KCP: variants seen among roughly 807,000 people sequenced by gnomAD.
KCP encodes the protein kielin cysteine rich BMP regulator.
KCP carries 194 observed loss-of-function variants against 212.7 expected under a neutral mutation model. The observed-to-expected ratio is 0.91, with a 90% CI of 0.81 to 1.03. The LOEUF (loss-of-function observed/expected upper bound fraction) is 1.03, where lower values mean the gene tolerates loss of function less well. KCP is among the 50% of genes least tolerant of loss of function. KCP has a pLI of 0.00. For synonymous variants in KCP, 833 were observed against 865.3 expected (o/e 0.96, Z 0.65); for missense variants, 2,080 against 2,162.5 (o/e 0.96, Z 0.76).
intron 22 of KCP, among the ~76,000 whole-genome samples, chr7:128,888,204 A>G (rs1406723997): frequency 6.6e-6 from 1 of 151,618 alleles, no homozygotes; most frequent in Non-Finnish European, 1.5e-5. Context: ...ATACACACAC[A>G]GATACACAGC....
In KCP at chr7:128,901,411, G is replaced by A. The variant is rs543263362; in HGVS notation, c.831+1366C>T. On this transcript the variant is annotated intron_variant, in intron 8 of 39. Transcript: ENST00000610776. ...GGAGGCAGAGGGGGGCGGATCACGA[G>A]GTCAGGAGATCGAGACCATCCTGGC... Among the ~76,000 whole-genome samples the A allele has an allele frequency of 4.6e-5, 7 of 152,242 alleles. No homozygotes were observed. In the South Asian group the frequency reaches 1.5e-3, roughly 32 times the overall value.
chr7:128,888,744 G>T, intron 22 of KCP, 119 bp downstream of exon 22: 2 of 983,234 alleles, frequency 2.0e-6, no homozygotes, highest in South Asian at 1.6e-5. Context: ...GAGTCGGAGA[G>T]TGAGAGAAAA....
chr7:128,885,946 C>T (rs893803335), intron 26 of KCP, among the ~76,000 whole-genome samples: 2 of 152,114 alleles, frequency 1.3e-5, no homozygotes, highest in Admixed American at 6.5e-5. Context: ...AGATAATACA[C>T]GTAAAGTGCT....
At chr7:128,893,661 A>G (rs1433135384) in intron 11 of KCP, 145 bp downstream of exon 11, 1 of 1,012,980 alleles carries the variant, frequency 9.9e-7, no homozygotes, top group Non-Finnish European at 1.4e-6. Context: ...GCATGGTGCC[A>G]GTTTGCCATG....
chr7:128,893,097 C>T, intron 13 of KCP, 76 bp from the exon 14 acceptor site: 2 of 991,444 alleles, frequency 2.0e-6, no homozygotes, highest in Non-Finnish European at 3.1e-6. Context: ...CACAGGGACC[C>T]CACCTTCGCC....
In KCP at chr7:128,885,218, G is replaced by A. The variant is rs564317380; in HGVS notation, c.2919C>T (p.Pro973=). 1.1e-4 allele frequency: 172 copies of A among 1,550,486 alleles called. 1 individual carries two copies. The East Asian group carries it at 3.8e-3, about 35-fold the overall frequency. The change falls in exon 27 of 40, where the codon CCC becomes CCT. Residue 973 remains proline (P), a synonymous_variant. Coordinates refer to ENST00000610776, the MANE Select transcript of KCP (RefSeq NM_001366122.1). ...ACACACAGGAGGAGCAGGCACTGTCGGGGGGCACCCATCTACTGCCTTCGG... is the reference window on the plus strand; with the variant it reads ...ACACACAGGAGGAGCAGGCACTGTCAGGGGGCACCCATCTACTGCCTTCGG... ...EHPEGSRWVP[P]DSACSSCVCH...
At chr7:128,879,182 G>A (rs888153469) in intron 37 of KCP, 3 of 384,660 alleles carry the variant, frequency 7.8e-6, no homozygotes, top group Middle Eastern at 7.2e-4. Context: ...GAAGGAACCT[G>A]AGACACCCCC....
Position 128,893,258 on chromosome 7 carries a change from G to GAGGC in KCP, c.1243_1246dup (p.Ser416CysfsTer11), listed in dbSNP as rs1298145100. 2.6e-6 allele frequency: 4 copies of GAGGC among 1,551,402 alleles called. No individual in the cohort carries two copies. The Admixed American group carries it at 5.9e-5, about 23-fold the overall frequency. On this transcript the variant is annotated frameshift_variant, in exon 13 of 40. Coordinates refer to ENST00000610776, the MANE Select transcript of KCP (RefSeq NM_001366122.1). LOFTEE classifies it high-confidence loss of function. ...CACACCTGGGCAGAGCTGGCGGCCA[G>GAGGC]AGGCAGGCAGGGCACAGGGGGTGAC...
chr7:128,883,578 T>C (rs1793459896), intron 29 of KCP, among the ~76,000 whole-genome samples: 1 of 152,164 alleles, frequency 6.6e-6, no homozygotes, highest in Admixed American at 6.5e-5. Flanking sequence ...AACTATTAAA[T>C]CCAGGAGACA....
intron 34 of KCP, 55 bp downstream of exon 34, chr7:128,880,331 G>A (rs1389537278): frequency 4.8e-6 from 7 of 1,470,314 alleles, no homozygotes; most frequent in Non-Finnish European, 6.4e-6. Context: ...CCAGGATGGC[G>A]GTACCATGTG....
At chr7:128,903,547 G>A (rs553441419) in intron 7 of KCP, among the ~76,000 whole-genome samples, 180 bp downstream of exon 7, 2 of 152,322 alleles carry the variant, frequency 1.3e-5, no homozygotes, top group Admixed American at 6.5e-5. Flanking sequence ...CCTTACACAT[G>A]GGGAAATTGA....
Position 128,886,932 on chromosome 7 carries a change from G to T in KCP, c.2633C>A (p.Pro878His). 1.3e-6 allele frequency: 2 copies of T among 1,532,188 alleles called. No individual in the cohort carries two copies. Among genetic ancestry groups the T allele is most frequent in the Non-Finnish European group, 1.8e-6 (2 of 1,134,986 alleles). The allele number at this position is 1,532,188 out of a possible 1,614,324, so 94.9% of individuals were successfully genotyped here. Residue 878 changes from proline (P) to histidine (H), a missense_variant, in exon 24 of 40, where the codon CCC becomes CAC. By Grantham distance (77) the Pro-to-His change is moderately conservative (BLOSUM62 -2). Transcript: ENST00000610776. Reference sequence around the variant, plus strand: ...AGAGGGGTGGGGGCAGAGAGCTGGGGGACATGGCTTCTTCTGGCAGCGCAT... The same window carrying T: ...AGAGGGGTGGGGGCAGAGAGCTGGGTGACATGGCTTCTTCTGGCAGCGCAT... ...GSMRCQKKPC[P>H]PALCPHPSPG...
intron 28 of KCP, 33 bp downstream of exon 28, chr7:128,884,748 G>A (rs993884830): frequency 1.9e-6 from 3 of 1,546,128 alleles, no homozygotes; most frequent in African/African-American, 2.7e-5. Context: ...CCCCGACGAG[G>A]TGCCCCAGCC....
At chr7:128,891,975 CGTT>C (rs375433096) in intron 16 of KCP, among the ~76,000 whole-genome samples, 156 bp from the exon 17 acceptor site, 310 of 152,266 alleles carry the variant, frequency 2.0e-3, no homozygotes, top group African/African-American at 3.7e-3. Context: ...GCATGTGTAT[CGTT>C]GTGAGCACAC....
intron 31 of KCP, among the ~76,000 whole-genome samples, 186 bp downstream of exon 31, chr7:128,881,440 G>A (rs1422211561): frequency 6.6e-6 from 1 of 152,198 alleles, no homozygotes; most frequent in Non-Finnish European, 1.5e-5. Context: ...GCTTCCCCCT[G>A]CCTCATGGGT....
Position 128,887,177 on chromosome 7 carries a change from G to A in KCP, c.2598+38C>T, listed in dbSNP as rs887499276. 2.6e-6 allele frequency: 4 copies of A among 1,519,520 alleles called. No homozygotes were observed. The African/African-American group carries it at 4.2e-5, about 16-fold the overall frequency. The allele number at this position is 1,519,520 out of a possible 1,614,324, so 94.1% of individuals were successfully genotyped here. On this transcript the variant is annotated intron_variant, in intron 23 of 39. Coordinates refer to ENST00000610776, the MANE Select transcript of KCP (RefSeq NM_001366122.1). ...TCCTGGCCAGAGAGGAGTATCAAGG[G>A]AGGAAAGGTTACCAAGGTCCTAAAG...
chr7:128,908,491 G>T lies in KCP; in HGVS notation c.154C>A (p.Gln52Lys). 6.4e-7 allele frequency: 1 copy of T among 1,551,970 alleles called. No individual in the cohort carries two copies. Among genetic ancestry groups the T allele is most frequent in the South Asian group, 1.2e-5 (1 of 84,050 alleles). ...SSVLAGNSQEQWHPLREWLGR... is the reference protein window; with the variant it reads ...SSVLAGNSQEKWHPLREWLGR... ...AGCCACTCTCGCAGGGGGTGCCACT[G>T]CTCCTGGGAGTTCCCAGCAAGGACT... The change falls in exon 2 of 40, where the codon CAG becomes AAG. Residue 52 changes from glutamine to lysine, a missense_variant. By Grantham distance (53) the Gln-to-Lys change is moderately conservative (BLOSUM62 1). Transcript: ENST00000610776.
chr7:128,908,655 G>A, intron 1 of KCP, 87 bp from the exon 2 acceptor site: 1 of 1,398,278 alleles, frequency 7.2e-7, no homozygotes, highest in Non-Finnish European at 9.7e-7. Context: ...GACCCACAGG[G>A]GAAGGGGGTC....
At chr7:128,902,658 G>T in intron 8 of KCP, 119 bp downstream of exon 8, 1 of 911,060 alleles carries the variant, frequency 1.1e-6, no homozygotes, top group Non-Finnish European at 1.7e-6. Context: ...CAGCGCCTAG[G>T]TCTTCTCCAC....
Sources: allele counts gnomAD v4.1 joint callset (sites outside exome capture counted in the v4.1 genomes callset), GRCh38; gene constraint gnomAD v4.1.1; transcripts MANE v1.5; gene names NCBI Gene and HGNC (gene_info 2026-07-23, HGNC 2026-07-21).